Variants in AMZ1 observed in about 807,000 individuals in gnomAD.
The protein encoded by AMZ1 is archaelysin family metallopeptidase 1, also known as archaemetzincin-1.
Under a neutral mutation model 29.9 loss-of-function variants are expected in AMZ1, and 39 were observed. The observed-to-expected ratio is 1.30, with a 90% CI of 1.01 to 1.70. The LOEUF is 1.70. AMZ1 is among the 40% of genes most tolerant of loss of function. The probability of loss-of-function intolerance (pLI) is 0.00; values close to 1 mark genes in which losing one functional copy is unlikely to be tolerated. For synonymous variants in AMZ1, 458 were observed against 304.0 expected (o/e 1.51, Z -5.27); for missense variants, 1,041 against 680.6 (o/e 1.53, Z -5.89).
chr7:2,682,230 C>T (rs1004004200), intron 1 of AMZ1, among the ~76,000 whole-genome samples: 17 of 151,684 alleles, frequency 1.1e-4, no homozygotes, highest in African/African-American at 4.1e-4. Flanking sequence ...GCTCTTCGTG[C>T]TGGGGAGCTC....
chr7:2,740,758 T>C (rs17150393), intron 4 of AMZ1, among the ~76,000 whole-genome samples: 3,905 of 152,220 alleles, frequency 0.026, 125 homozygotes, highest in Middle Eastern at 0.075. Context: ...AAACTACAGA[T>C]TTAGGGCTCG....
rs564680337 is a variant in AMZ1, at chr7:2,734,218, C to T, written n.550+24402C>T. Among the ~76,000 whole-genome samples the T allele has an allele frequency of 3.3e-5, 5 of 152,342 alleles. No homozygotes were observed. In the East Asian group the frequency reaches 5.8e-4, roughly 18 times the overall value. On this transcript the variant is annotated intron_variant and non_coding_transcript_variant, in intron 4 of 4. Coordinates refer to the AMZ1 transcript ENST00000489665. ...TGAGCCGCCAAATGCGAGGCACACA[C>T]GGGGCACGGGAGGAGCCGGGAGAGC...
chr7:2,739,238 C>G lies in AMZ1; in HGVS notation n.551-25474C>G, dbSNP rs183025440. Among the ~76,000 whole-genome samples the G allele has an allele frequency of 2.0e-5, 3 of 152,338 alleles. No individual in the cohort carries two copies. The East Asian group carries it at 5.8e-4, about 29-fold the overall frequency. On this transcript the variant is annotated intron_variant and non_coding_transcript_variant, in intron 4 of 4. Transcript: ENST00000489665. ...ACCATTCAATGGCATTTACTACCTTCAAAATGTTGTACGGCCACCACTTCT... is the reference window on the plus strand; with the variant it reads ...ACCATTCAATGGCATTTACTACCTTGAAAATGTTGTACGGCCACCACTTCT...
intron 4 of AMZ1, among the ~76,000 whole-genome samples, chr7:2,748,622 A>C (rs948266939): frequency 6.6e-6 from 1 of 152,174 alleles, no homozygotes; most frequent in African/African-American, 2.4e-5. Context: ...TGTCTAAAAC[A>C]CCAAAAGCAA....
chr7:2,713,945 TGA>T lies in AMZ1; in HGVS notation c.*1073_*1074del, dbSNP rs1011492840. On this transcript the variant is annotated 3_prime_UTR_variant, in exon 7 of 7. Coordinates refer to ENST00000683327, the MANE Select transcript of AMZ1 (RefSeq NM_001384743.1). ...TTTTCGGTCTAGTTCTGTCAGTTGC[TGA>T]GAGAGGGGTATTATTGCCATGGCTG... 7.2e-5 allele frequency: 11 copies of T among 152,168 alleles called. No homozygotes were observed. The highest frequency in any genetic ancestry group is 2.7e-4 in the African/African-American group (11 of 41,414). 9.4% of individuals were successfully genotyped at this position (152,168 alleles called of 1,614,324 possible).
At position 2,731,520 on chromosome 7, in the gene AMZ1, C is replaced by A; in HGVS notation, n.550+21704C>A. 2 of 1,612,572 alleles carry A rather than the reference C, an allele frequency of 1.2e-6. No individual in the cohort carries two copies. Among genetic ancestry groups the A allele is most frequent in the Non-Finnish European group, 1.7e-6 (2 of 1,178,978 alleles). ...CGAAGATGTTCATGGACTCCACCAGCCGGTTGGTGCGCCTGTCCTCCATGA... is the reference window on the plus strand; with the variant it reads ...CGAAGATGTTCATGGACTCCACCAGACGGTTGGTGCGCCTGTCCTCCATGA... On this transcript the variant is annotated intron_variant and non_coding_transcript_variant, in intron 4 of 4. Coordinates refer to the AMZ1 transcript ENST00000489665. The surrounding 1 kb of genome is among the most constrained non-coding windows in gnomAD (Gnocchi z 6.0).
intron 4 of AMZ1, chr7:2,730,785 G>C (rs1279871940): frequency 5.9e-6 from 1 of 169,412 alleles, no homozygotes; most frequent in Non-Finnish European, 1.3e-5. Flanking sequence ...CCGTCTGCAA[G>C]GCCAGCTGGT....
chr7:2,683,615 T>G (rs1322739527), upstream of AMZ1, among the ~76,000 whole-genome samples: 1 of 152,092 alleles, frequency 6.6e-6, no homozygotes, highest in Non-Finnish European at 1.5e-5. Flanking sequence ...TTTTTTTATA[T>G]TTTTAATAGA....
At position 2,718,410 on chromosome 7, in the gene AMZ1, C is replaced by T. The variant is rs993683428; in HGVS notation, c.*5532C>T. Among the ~76,000 whole-genome samples, 2 of 152,334 alleles carry T rather than the reference C, an allele frequency of 1.3e-5. No homozygotes were observed. The highest frequency in any genetic ancestry group is 4.1e-4 in the South Asian group (2 of 4,830). On this transcript the variant is annotated 3_prime_UTR_variant, in exon 7 of 7. Transcript: ENST00000683327. Reference sequence around the variant, plus strand: ...CCAAGACCATCTCCCGTTCAAGGGCCCTCACCGCGCTTTGTGAGTCTGTCT... The same window carrying T: ...CCAAGACCATCTCCCGTTCAAGGGCTCTCACCGCGCTTTGTGAGTCTGTCT...
chr7:2,695,324 A>C (rs58212308), intron 1 of AMZ1, among the ~76,000 whole-genome samples: 31,605 of 152,060 alleles, frequency 0.21, 3,344 homozygotes, highest in Non-Finnish European at 0.23. Flanking sequence ...GGTGGTGGGC[A>C]TGCGGGTCTG....
chr7:2,708,694 C>A lies in AMZ1; in HGVS notation c.579C>A (p.Phe193Leu). Residue 193 changes from phenylalanine to leucine, a missense_variant, in exon 4 of 7, where the codon TTC becomes TTA. Coordinates refer to ENST00000683327, the MANE Select transcript of AMZ1 (RefSeq NM_001384743.1). ...CCCATGAGGCCTGGAGCTTCACCTT[C>A]AGCAAGTTCCTTCCAGGGCACGGTG... is the stretch of plus-strand genomic sequence containing the variant. ...LYPHEAWSFT[F>L]SKFLPGHEVG... 6.2e-7 allele frequency: 1 copy of A among 1,613,000 alleles called. No homozygotes were observed. The highest frequency in any genetic ancestry group is 1.3e-5 in the African/African-American group (1 of 75,054).
chr7:2,701,810 T>C (rs1382707375), intron 2 of AMZ1, among the ~76,000 whole-genome samples: 2 of 152,188 alleles, frequency 1.3e-5, no homozygotes, highest in Non-Finnish European at 2.9e-5. Context: ...GCAGCCCCTT[T>C]CCTGCCCCTC....
intron 4 of AMZ1, among the ~76,000 whole-genome samples, chr7:2,726,087 T>G (rs990309068): frequency 6.6e-6 from 1 of 152,218 alleles, no homozygotes; most frequent in Non-Finnish European, 1.5e-5. Flanking sequence ...CCTCCTGAAT[T>G]TCAAGCAATC....
downstream of AMZ1, among the ~76,000 whole-genome samples, chr7:2,721,253 G>A (rs1462250774): frequency 6.6e-6 from 1 of 152,214 alleles, no homozygotes; most frequent in Non-Finnish European, 1.5e-5. Context: ...CCTGAGCCGG[G>A]CCCTGTGCTG....
At position 2,712,927 on chromosome 7, in the gene AMZ1, A is replaced by C; in HGVS notation, c.*49A>C. On this transcript the variant is annotated 3_prime_UTR_variant, in exon 7 of 7. Transcript: ENST00000683327. Reference sequence around the variant, plus strand: ...TCCTTCCCTAAGGATGCTGGCCAGCACTGTCCAGTAGCTGAGGCCACTACT... The same window carrying C: ...TCCTTCCCTAAGGATGCTGGCCAGCCCTGTCCAGTAGCTGAGGCCACTACT... 6.7e-7 allele frequency: 1 copy of C among 1,495,300 alleles called. No individual in the cohort carries two copies. The highest frequency in any genetic ancestry group is 8.9e-7 in the Non-Finnish European group (1 of 1,121,966). The allele number at this position is 1,495,300 out of a possible 1,614,324, so 92.6% of individuals were successfully genotyped here.
chr7:2,735,538 A>G (rs980729708), intron 4 of AMZ1, among the ~76,000 whole-genome samples: 5 of 152,202 alleles, frequency 3.3e-5, no homozygotes, highest in African/African-American at 1.2e-4. Flanking sequence ...GATGGGAAGC[A>G]GAAAACAGGA....
At position 2,709,325 on chromosome 7, in the gene AMZ1, C is replaced by G. The variant is rs375770353; in HGVS notation, c.771+81C>G. On this transcript the variant is annotated intron_variant, in intron 5 of 6. Coordinates refer to ENST00000683327, the MANE Select transcript of AMZ1 (RefSeq NM_001384743.1). ...TTGGTGCCTCGGTCTGTTACACTGCCCCATCCTCACAGTGAAGTGGATGGA... is the reference window on the plus strand; with the variant it reads ...TTGGTGCCTCGGTCTGTTACACTGCGCCATCCTCACAGTGAAGTGGATGGA... 1.8e-5 allele frequency: 25 copies of G among 1,353,024 alleles called. No homozygotes were observed. In the African/African-American group the frequency reaches 3.1e-4, roughly 17 times the overall value. 83.8% of individuals were successfully genotyped at this position (1,353,024 alleles called of 1,614,324 possible). A position where few individuals can be genotyped will look rare whatever the true frequency, so the allele number is the denominator to read the frequency against.
chr7:2,692,585 C>A (rs1391069218), intron 1 of AMZ1, among the ~76,000 whole-genome samples: 2 of 152,042 alleles, frequency 1.3e-5, no homozygotes, highest in Non-Finnish European at 2.9e-5. Context: ...CATGCCAGAG[C>A]CCTCGGAGTT....
In AMZ1 at chr7:2,704,978, C is replaced by G. The variant is rs77937400; in HGVS notation, c.472+2089C>G. 7.4e-3 allele frequency among the ~76,000 whole-genome samples: 1,124 copies of G among 152,274 alleles called. 13 individuals are homozygous for G. The highest frequency in any genetic ancestry group is 0.026 in the African/African-American group (1,080 of 41,534). ...GATGTCCATGAACATAGTTGCTTGA[C>G]CGTCTGTCCGATGATTACACTATCT... On this transcript the variant is annotated intron_variant, in intron 3 of 6. Transcript: ENST00000683327.
Sources: allele counts gnomAD v4.1 joint callset (sites outside exome capture counted in the v4.1 genomes callset), GRCh38; gene constraint gnomAD v4.1.1; non-coding constraint Gnocchi (gnomAD v3.1); transcripts MANE v1.5; gene names NCBI Gene and HGNC (gene_info 2026-07-23, HGNC 2026-07-21).